Variants in UBA2 observed in about 807,000 individuals in gnomAD.
UBA2 encodes the protein SUMO-activating enzyme subunit 2.
In UBA2, 11 loss-of-function variants were observed where a neutral mutation model predicts 77.2. The observed-to-expected ratio is 0.14, with a 90% CI of 0.09 to 0.24. UBA2 has a LOEUF of 0.24. Ranked by LOEUF, UBA2 falls within the 10% of genes least tolerant of loss-of-function variation. The probability of loss-of-function intolerance (pLI) is 1.00; values close to 1 mark genes in which losing one functional copy is unlikely to be tolerated. For synonymous variants in UBA2, 278 were observed against 276.7 expected (o/e 1.00, Z -0.05); for missense variants, 487 against 781.7 (o/e 0.62, Z 4.50).
At chr19:34,463,644 T>G (rs1255408733) in intron 14 of UBA2, among the ~76,000 whole-genome samples, 1 of 152,126 alleles carries the variant, frequency 6.6e-6, no homozygotes, top group Non-Finnish European at 1.5e-5. Flanking sequence ...CTCTGTTGCC[T>G]AGCAGGCTGG....
At chr19:34,449,067 T>A (rs1210775165) in intron 8 of UBA2, among the ~76,000 whole-genome samples, 9 of 17,020 alleles carry the variant, frequency 5.3e-4, no homozygotes, top group Non-Finnish European at 1.2e-3. Context: ...ATATAAATCT[T>A]TTTTTTTTTT....
chr19:34,429,516 A>T (rs2075227507), intron 1 of UBA2, among the ~76,000 whole-genome samples: 3 of 152,228 alleles, frequency 2.0e-5, no homozygotes, highest in Admixed American at 6.5e-5. Context: ...AACCATGTGT[A>T]AAAGTTTCCT....
At chr19:34,434,805 T>A in intron 4 of UBA2, 63 bp from the exon 5 acceptor site, 2 of 1,262,934 alleles carry the variant, frequency 1.6e-6, no homozygotes, top group Non-Finnish European at 2.2e-6. Context: ...GTCTGTGTCA[T>A]CCTAATTAAA....
chr19:34,446,395 A>G lies in UBA2; in HGVS notation c.771+1274A>G, dbSNP rs1051609490. 2.0e-5 allele frequency among the ~76,000 whole-genome samples: 3 copies of G among 152,218 alleles called. No individual in the cohort carries two copies. In the East Asian group the frequency reaches 5.8e-4, roughly 29 times the overall value. Reference sequence around the variant, plus strand: ...ACTTTCGGTAAAGGCTAACTTTTGCATGTGGTGTTTTGCTTTCCTTTTGTA... The same window carrying G: ...ACTTTCGGTAAAGGCTAACTTTTGCGTGTGGTGTTTTGCTTTCCTTTTGTA... On this transcript the variant is annotated intron_variant, in intron 8 of 16. Coordinates refer to ENST00000246548, the MANE Select transcript of UBA2 (RefSeq NM_005499.3).
chr19:34,443,777 A>G, intron 6 of UBA2, 67 bp from the exon 7 acceptor site: 1 of 1,080,334 alleles, frequency 9.3e-7, no homozygotes, highest in Non-Finnish European at 1.4e-6. Context: ...TATTTGGAAT[A>G]TTCTAAATTA....
chr19:34,438,242 A>C (rs891798948), intron 5 of UBA2, among the ~76,000 whole-genome samples: 11 of 150,398 alleles, frequency 7.3e-5, no homozygotes, highest in Admixed American at 6.0e-4. Flanking sequence ...AAAAACACAT[A>C]TAAGAAAATG....
At chr19:34,448,955 C>T (rs984362989) in intron 8 of UBA2, among the ~76,000 whole-genome samples, 3 of 152,152 alleles carry the variant, frequency 2.0e-5, no homozygotes, top group Non-Finnish European at 4.4e-5. Context: ...ATGTTTCCAG[C>T]CACATTTGTT....
chr19:34,435,530 C>A (rs2075298975), intron 5 of UBA2, among the ~76,000 whole-genome samples: 1 of 151,124 alleles, frequency 6.6e-6, no homozygotes, highest in South Asian at 2.1e-4. Flanking sequence ...TACCAGGCAT[C>A]AAAAATTTCT....
intron 6 of UBA2, among the ~76,000 whole-genome samples, chr19:34,442,041 T>C (rs1190896968): frequency 6.6e-6 from 1 of 151,436 alleles, no homozygotes; most frequent in African/African-American, 2.4e-5. Context: ...TTGAGAGCAG[T>C]GTGGGCAACA....
At position 34,468,962 on chromosome 19, in the gene UBA2, A is replaced by C. The variant is rs1182834118; in HGVS notation, c.1742-78A>C. On this transcript the variant is annotated intron_variant, in intron 16 of 16. Coordinates refer to ENST00000246548, the MANE Select transcript of UBA2 (RefSeq NM_005499.3). ...GTGTGTATTAGAAGAGTCAGCTTTC[A>C]ATTATAGAAAATACAGGTGAGCACA... The C allele has an allele frequency of 5.5e-6, 7 of 1,271,448 alleles. No individual in the cohort carries two copies. In the South Asian group the frequency reaches 1.2e-4, roughly 22 times the overall value. The allele number at this position is 1,271,448 out of a possible 1,614,324, so 78.8% of individuals were successfully genotyped here. A position where few individuals can be genotyped will look rare whatever the true frequency, so the allele number is the denominator to read the frequency against.
chr19:34,452,217 A>G, intron 10 of UBA2, 70 bp downstream of exon 10: 2 of 1,242,108 alleles, frequency 1.6e-6, no homozygotes, highest in Non-Finnish European at 2.2e-6. Context: ...GATGTAATAG[A>G]AGCTAGTCAT....
At chr19:34,467,465 CAAAA>C (rs35373946) in intron 16 of UBA2, among the ~76,000 whole-genome samples, 4 of 110,162 alleles carry the variant, frequency 3.6e-5, no homozygotes, top group South Asian at 5.9e-4. Context: ...GACCATGTCT[CAAAA>C]AAAAAAAAAA....
At chr19:34,467,644 C>T (rs2075702118) in intron 16 of UBA2, among the ~76,000 whole-genome samples, 1 of 152,006 alleles carries the variant, frequency 6.6e-6, no homozygotes, top group Non-Finnish European at 1.5e-5. Context: ...GGCGTGGCAG[C>T]ATGCGTCTGT....
intron 16 of UBA2, among the ~76,000 whole-genome samples, chr19:34,468,028 A>G (rs2075705828): frequency 6.6e-6 from 1 of 152,316 alleles, no homozygotes; most frequent in Middle Eastern, 3.4e-3. Context: ...TGTCACCAGT[A>G]TGACTTGGGT....
rs570260381 is a variant in UBA2, at chr19:34,466,606, A to G, written c.1605-272A>G. ...TAAGTTCAGTGCTTTGAAAATTAGA[A>G]TCCAAGGTGGGTATGGTTGGCTCAC... is the stretch of plus-strand genomic sequence containing the variant. On this transcript the variant is annotated intron_variant, in intron 15 of 16. Transcript: ENST00000246548. 5.9e-5 allele frequency among the ~76,000 whole-genome samples: 9 copies of G among 152,228 alleles called. No individual in the cohort carries two copies. The South Asian group carries it at 1.7e-3, about 28-fold the overall frequency.
At chr19:34,451,163 T>A (rs1283787073) in intron 9 of UBA2, among the ~76,000 whole-genome samples, 1 of 152,006 alleles carries the variant, frequency 6.6e-6, no homozygotes, top group Admixed American at 6.6e-5. Context: ...GCCCAGCATA[T>A]TTTAAAATTT....
At chr19:34,444,899 G>A (rs547998983) in intron 7 of UBA2, 101 bp from the exon 8 acceptor site, 1 of 1,239,628 alleles carries the variant, frequency 8.1e-7, no homozygotes, top group African/African-American at 1.5e-5. Context: ...TTGCATTTGG[G>A]GATTTCCATG....
At chr19:34,435,780 A>G (rs900736937) in intron 5 of UBA2, among the ~76,000 whole-genome samples, 27 of 151,324 alleles carry the variant, frequency 1.8e-4, no homozygotes, top group Non-Finnish European at 3.2e-4. Context: ...CAGTGAGCCA[A>G]GATGGCACCA....
At chr19:34,446,616 T>TC (rs2145524703) in intron 8 of UBA2, among the ~76,000 whole-genome samples, 1 of 23,274 alleles carries the variant, frequency 4.3e-5, no homozygotes, top group African/African-American at 5.6e-5. Context: ...TTCTTTCTTT[T>TC]TTTTTTTTTT....
Sources: gnomAD v4.1 joint callset for allele counts (sites outside exome capture counted in the v4.1 genomes callset) on GRCh38, gnomAD v4.1.1 for gene constraint, MANE v1.5 for transcripts, NCBI Gene and HGNC (gene_info 2026-07-23, HGNC 2026-07-21) for gene names.